Variants in PTPRM observed in about 807,000 individuals in gnomAD.
PTPRM encodes the protein receptor-type tyrosine-protein phosphatase mu.
Under a neutral mutation model 186.7 loss-of-function variants are expected in PTPRM, and 47 were observed. The ratio of observed to expected loss-of-function variants is 0.25; its 90% CI spans 0.20 to 0.32. The LOEUF (loss-of-function observed/expected upper bound fraction) is 0.32. Ranked by LOEUF, PTPRM falls within the 10% of genes least tolerant of loss-of-function variation. The pLI is 1.00. For missense variants in PTPRM, 1,494 were observed against 1,865.0 expected (o/e 0.80, Z 3.66); for synonymous variants, 668 against 674.9 (o/e 0.99, Z 0.16).
At chr18:8,306,317 A>G (rs1262470137) in intron 20 of PTPRM, among the ~76,000 whole-genome samples, 1 of 152,108 alleles carries the variant, frequency 6.6e-6, no homozygotes, top group Non-Finnish European at 1.5e-5. Flanking sequence ...ACCCCTTTTT[A>G]CAGATGAAGC....
chr18:8,311,653 T>C (rs993264234), intron 20 of PTPRM, among the ~76,000 whole-genome samples: 1 of 152,218 alleles, frequency 6.6e-6, no homozygotes, highest in African/African-American at 2.4e-5. Flanking sequence ...CATCTCATTC[T>C]GTTAGGAAGT....
intron 19 of PTPRM, among the ~76,000 whole-genome samples, chr18:8,266,730 A>G (rs2094705245): frequency 6.6e-6 from 1 of 152,146 alleles, no homozygotes; most frequent in African/African-American, 2.4e-5. Flanking sequence ...CAATATGGTG[A>G]AACCCCACCT....
intron 1 of PTPRM, among the ~76,000 whole-genome samples, chr18:7,597,477 G>A (rs756686987): frequency 5.3e-5 from 8 of 152,144 alleles, no homozygotes; most frequent in Non-Finnish European, 8.8e-5. Context: ...ACTCTCTTTG[G>A]CATGGGAATT....
intron 7 of PTPRM, among the ~76,000 whole-genome samples, chr18:7,956,189 T>C (rs376090241): frequency 1.3e-5 from 2 of 152,316 alleles, no homozygotes; most frequent in African/African-American, 4.8e-5. Flanking sequence ...TGTGTTGAAT[T>C]GTGTGCTGAG....
chr18:7,774,163 G>A lies in PTPRM; in HGVS notation c.88G>A (p.Asp30Asn). Residue 30 changes from aspartate (D) to asparagine (N), a missense_variant, in exon 2 of 33, where the codon GAT (aspartate) becomes AAT (asparagine). Around this residue, in one of 3 missense-constraint regions of PTPRM, gnomAD observed 296 missense variants for 345.5 expected, o/e 0.86. Coordinates refer to ENST00000580170, the MANE Select transcript of PTPRM (RefSeq NM_001105244.2). ...GETFSGGCLF[D>N]EPYSTCGYSQ... is the part of the protein sequence containing the mutation. ...TTACATTTTAGGTGGCTGCCTCTTT[G>A]ATGAGCCGTATAGCACATGTGGATA... 1.2e-6 allele frequency: 2 copies of A among 1,610,504 alleles called. No homozygotes were observed. Among genetic ancestry groups the A allele is most frequent in the Non-Finnish European group, 1.7e-6 (2 of 1,177,216 alleles).
chr18:7,843,036 A>G (rs1017057820), intron 2 of PTPRM, among the ~76,000 whole-genome samples: 7 of 150,906 alleles, frequency 4.6e-5, no homozygotes, highest in African/African-American at 1.7e-4. Flanking sequence ...TTTCTCATAT[A>G]TCTACTATTG....
intron 11 of PTPRM, among the ~76,000 whole-genome samples, chr18:8,106,938 A>G (rs6506548): frequency 0.37 from 56,710 of 152,050 alleles, 11,760 homozygotes; most frequent in African/African-American, 0.57. Flanking sequence ...CATCTGGCCC[A>G]AAGCACTGGA....
chr18:8,210,471 T>A (rs1355514077), intron 14 of PTPRM, among the ~76,000 whole-genome samples: 1 of 152,138 alleles, frequency 6.6e-6, no homozygotes, highest in East Asian at 1.9e-4. Context: ...CAAGGAATTG[T>A]CCTTCCCCTA....
chr18:7,762,924 A>G (rs964888193), intron 1 of PTPRM, among the ~76,000 whole-genome samples: 2 of 152,180 alleles, frequency 1.3e-5, no homozygotes, highest in East Asian at 1.9e-4. Flanking sequence ...CAGTGACTAC[A>G]CTTTCACATA....
At chr18:7,725,746 T>A (rs1039530282) in intron 1 of PTPRM, among the ~76,000 whole-genome samples, 1 of 152,104 alleles carries the variant, frequency 6.6e-6, no homozygotes, top group African/African-American at 2.4e-5. Context: ...GCCCTGTCCC[T>A]TTTTCATCTC....
chr18:8,243,596 C>G (rs1285711469), intron 14 of PTPRM, among the ~76,000 whole-genome samples: 1 of 152,096 alleles, frequency 6.6e-6, no homozygotes, highest in Non-Finnish European at 1.5e-5. Context: ...TAACAATGTG[C>G]CTTTTAGATT....
chr18:7,764,347 CAT>C (rs1442391859), intron 1 of PTPRM, among the ~76,000 whole-genome samples: 2 of 152,192 alleles, frequency 1.3e-5, no homozygotes, highest in Non-Finnish European at 2.9e-5. Flanking sequence ...TAGAGCACTA[CAT>C]GATTATAATT....
At chr18:8,255,871 A>AG (rs2147427639) in intron 19 of PTPRM, among the ~76,000 whole-genome samples, 1 of 152,160 alleles carries the variant, frequency 6.6e-6, no homozygotes, top group East Asian at 1.9e-4. Flanking sequence ...CCATGGCCGC[A>AG]GGGAGAAGGG....
intron 1 of PTPRM, among the ~76,000 whole-genome samples, chr18:7,646,345 A>C (rs2038563046): frequency 6.6e-6 from 1 of 152,150 alleles, no homozygotes; most frequent in South Asian, 2.1e-4. Flanking sequence ...GGGCATCCTC[A>C]TTGCCTCTGG....
intron 3 of PTPRM, among the ~76,000 whole-genome samples, chr18:7,888,883 T>C (rs1391849476): frequency 6.6e-6 from 1 of 152,214 alleles, no homozygotes; most frequent in Non-Finnish European, 1.5e-5. Flanking sequence ...AACCAAATGC[T>C]GCATGTTTTT....
intron 1 of PTPRM, among the ~76,000 whole-genome samples, chr18:7,677,844 A>C (rs1446499776): frequency 6.6e-6 from 1 of 152,026 alleles, no homozygotes; most frequent in African/African-American, 2.4e-5. Flanking sequence ...CCTGTTGCCT[A>C]TGTCCCCTAC....
chr18:8,044,652 G>C (rs1227386879), intron 7 of PTPRM, among the ~76,000 whole-genome samples: 1 of 151,242 alleles, frequency 6.6e-6, no homozygotes, highest in African/African-American at 2.4e-5. Context: ...AGCTAATCGG[G>C]AGGCTGAGGC....
chr18:8,205,205 C>G (rs113092862), intron 14 of PTPRM, among the ~76,000 whole-genome samples: 1,562 of 152,208 alleles, frequency 0.01, 31 homozygotes, highest in African/African-American at 0.035. Flanking sequence ...GAACTATTCA[C>G]TCAGTATGCA....
chr18:7,676,915 T>G (rs1387745249), intron 1 of PTPRM, among the ~76,000 whole-genome samples: 2 of 152,206 alleles, frequency 1.3e-5, no homozygotes, highest in Non-Finnish European at 2.9e-5. Context: ...TCTGAACTGA[T>G]ATTAATTATC....
Sources: gnomAD v4.1 joint callset for allele counts (sites outside exome capture counted in the v4.1 genomes callset) on GRCh38, gnomAD v4.1.1 for gene constraint, gnomAD v4.1.1 regional missense constraint, MANE v1.5 for transcripts, NCBI Gene and HGNC (gene_info 2026-07-23, HGNC 2026-07-21) for gene names.